Variants in RGS6 observed in about 807,000 individuals in gnomAD.
RGS6 encodes regulator of G protein signaling 6.
In RGS6, 30 loss-of-function variants were observed where a neutral mutation model predicts 78.5. The ratio of observed to expected loss-of-function variants is 0.38; its 90% CI spans 0.29 to 0.52. The LOEUF is 0.52. Among genes scored for constraint, RGS6 ranks in the 20% least tolerant of loss-of-function variants. The probability of loss-of-function intolerance (pLI) is 0.85; values close to 1 mark genes in which losing one functional copy is unlikely to be tolerated. For synonymous variants in RGS6, 206 were observed against 206.0 expected (o/e 1.00, Z 0.00); for missense variants, 495 against 609.7 (o/e 0.81, Z 1.98).
intron 2 of RGS6, among the ~76,000 whole-genome samples, chr14:72,168,688 C>T (rs1007027899): frequency 3.3e-5 from 5 of 152,096 alleles, no homozygotes; most frequent in African/African-American, 9.7e-5. Context: ...CTATGTGTAG[C>T]TTCCATTTGT....
rs368211264 is a variant in RGS6 at position 72,295,973 on chromosome 14, C to G, written c.85-56122C>G. ...ACGTAACCCACAGCTCTACCAAAAT[C>G]AACAACATTTCCATCATGCGGGAAA... On this transcript the variant is annotated intron_variant, in intron 2 of 17. Transcript: ENST00000553525. Among the ~76,000 whole-genome samples the G allele has an allele frequency of 9.8e-5, 15 of 152,316 alleles. No individual in the cohort carries two copies. The East Asian group carries it at 2.3e-3, about 24-fold the overall frequency.
At chr14:72,440,046 G>A (rs561503496) in intron 3 of RGS6, among the ~76,000 whole-genome samples, 33 of 152,242 alleles carry the variant, frequency 2.2e-4, no homozygotes, top group African/African-American at 5.5e-4. Context: ...GTGGCATTTC[G>A]GGGCCCTGTT....
intron 2 of RGS6, among the ~76,000 whole-genome samples, chr14:72,309,348 G>A (rs1352343087): frequency 6.6e-6 from 1 of 152,208 alleles, no homozygotes; most frequent in African/African-American, 2.4e-5. Flanking sequence ...AATCGTGGTT[G>A]CAAATCTAGC....
chr14:72,429,861 A>G (rs1193471601), intron 3 of RGS6, among the ~76,000 whole-genome samples: 1 of 152,184 alleles, frequency 6.6e-6, no homozygotes, highest in African/African-American at 2.4e-5. Flanking sequence ...GGTTTCCTCC[A>G]TGCTGTTCTC....
chr14:72,122,717 A>G, intron 2 of RGS6, among the ~76,000 whole-genome samples: 1 of 149,622 alleles, frequency 6.7e-6, no homozygotes, highest in Non-Finnish European at 1.5e-5. Context: ...GAATGAGGCC[A>G]GCACTCTGGG....
the RGS6 span, among the ~76,000 whole-genome samples, chr14:71,878,029 G>C: frequency 0.18 from 26,753 of 152,130 alleles, 2,430 homozygotes; most frequent in East Asian, 0.27. Context: ...GTTGCTGCCT[G>C]ATAGTTCCTC....
chr14:72,529,807 C>T (rs1010082365), intron 15 of RGS6, among the ~76,000 whole-genome samples: 1 of 152,214 alleles, frequency 6.6e-6, no homozygotes, highest in Admixed American at 6.5e-5. Context: ...TACCCTGTGC[C>T]TGTACTTCAT....
At chr14:72,319,380 C>T (rs1467479274) in intron 2 of RGS6, among the ~76,000 whole-genome samples, 3 of 148,900 alleles carry the variant, frequency 2.0e-5, no homozygotes, top group Non-Finnish European at 3.0e-5. Flanking sequence ...GACGGAGTCT[C>T]GCCCTGTTGC....
intron 3 of RGS6, among the ~76,000 whole-genome samples, chr14:72,372,260 C>T (rs1463521191): frequency 6.6e-6 from 1 of 152,178 alleles, no homozygotes; most frequent in Non-Finnish European, 1.5e-5. Flanking sequence ...TCCTTAAACA[C>T]GTTGACTTTA....
intron 2 of RGS6, among the ~76,000 whole-genome samples, chr14:72,304,363 C>T (rs965076828): frequency 6.6e-6 from 1 of 152,166 alleles, no homozygotes; most frequent in Non-Finnish European, 1.5e-5. Context: ...TAGAGCAATC[C>T]TTTGCTTTTC....
intron 2 of RGS6, among the ~76,000 whole-genome samples, chr14:72,068,688 G>A (rs185178957): frequency 1.3e-5 from 2 of 151,556 alleles, no homozygotes; most frequent in Admixed American, 1.3e-4. Context: ...CCAGAGATGG[G>A]ATTTCACCAT....
intron 2 of RGS6, among the ~76,000 whole-genome samples, chr14:72,041,377 T>C (rs11849365): frequency 0.12 from 17,714 of 152,244 alleles, 1,043 homozygotes; most frequent in East Asian, 0.17. Flanking sequence ...TTCTCTTGCT[T>C]TCTCTGTGAC....
the RGS6 span, among the ~76,000 whole-genome samples, chr14:71,896,624 A>G: frequency 6.6e-6 from 1 of 152,156 alleles, no homozygotes; most frequent in African/African-American, 2.4e-5. Context: ...GCCTCATTTT[A>G]CCCAGCCCCT....
chr14:72,256,193 GC>G (rs2057047017), intron 2 of RGS6, among the ~76,000 whole-genome samples: 1 of 152,116 alleles, frequency 6.6e-6, no homozygotes, highest in South Asian at 2.1e-4. Flanking sequence ...GGATAATATG[GC>G]ATGCAGGGGG....
chr14:72,450,937 C>G (rs1307255918), intron 3 of RGS6, among the ~76,000 whole-genome samples: 1 of 152,242 alleles, frequency 6.6e-6, no homozygotes, highest in African/African-American at 2.4e-5. Flanking sequence ...ATTTCCCTTT[C>G]TGACTTGTTC....
chr14:72,315,130 G>C (rs2069748337), intron 2 of RGS6, among the ~76,000 whole-genome samples: 1 of 128,234 alleles, frequency 7.8e-6, no homozygotes, highest in Non-Finnish European at 1.6e-5. Flanking sequence ...AGCAAGATCA[G>C]AGTTTAAAAC....
At chr14:71,973,952 A>C (rs2093965779) in intron 2 of RGS6, among the ~76,000 whole-genome samples, 1 of 152,174 alleles carries the variant, frequency 6.6e-6, no homozygotes, top group Non-Finnish European at 1.5e-5. Context: ...AGTGTGGGGA[A>C]TAGCTCAGTG....
the RGS6 span, among the ~76,000 whole-genome samples, chr14:72,574,017 T>C: frequency 1.6e-4 from 24 of 152,184 alleles, no homozygotes; most frequent in Admixed American, 6.5e-5. Context: ...ATTGGATTAG[T>C]GGATCTTCCT....
At chr14:72,443,619 C>G (rs1309426234) in intron 3 of RGS6, among the ~76,000 whole-genome samples, 1 of 152,224 alleles carries the variant, frequency 6.6e-6, no homozygotes, top group Non-Finnish European at 1.5e-5. Flanking sequence ...AATGTTCATA[C>G]ACTACTTTTC....
Sources: allele counts gnomAD v4.1 joint callset (sites outside exome capture counted in the v4.1 genomes callset), GRCh38; gene constraint gnomAD v4.1.1; transcripts MANE v1.5; gene names NCBI Gene and HGNC (gene_info 2026-07-23, HGNC 2026-07-21).